The following INTU variants were observed in gnomAD, a reference collection of about 807,000 sequenced individuals.
The protein encoded by INTU is protein inturned.
A neutral mutation model predicts 100.5 loss-of-function variants in INTU; 68 were observed. The ratio of observed to expected loss-of-function variants is 0.68; its 90% CI spans 0.56 to 0.83. INTU has a LOEUF of 0.83. Ranked by LOEUF, INTU falls within the 40% of genes least tolerant of loss-of-function variation. The pLI, the probability that INTU is intolerant of heterozygous loss-of-function variation, is 0.00. For missense variants in INTU, 1,071 were observed against 1,114.7 expected (o/e 0.96, Z 0.56); for synonymous variants, 357 against 395.7 (o/e 0.90, Z 1.16).
chr4:127,690,704 G>C (rs563035660), intron 8 of INTU, among the ~76,000 whole-genome samples: 1 of 151,998 alleles, frequency 6.6e-6, no homozygotes, highest in Non-Finnish European at 1.5e-5. Context: ...TGCAGTTTTA[G>C]GTTCACAGTA....
chr4:127,661,234 A>C (rs1026898407), intron 3 of INTU, among the ~76,000 whole-genome samples: 9 of 152,180 alleles, frequency 5.9e-5, no homozygotes, highest in African/African-American at 1.9e-4. Context: ...CAAGTATAAC[A>C]CTAGTTTTCA....
At chr4:127,671,904 G>C (rs1728947043) in intron 5 of INTU, among the ~76,000 whole-genome samples, 1 of 152,032 alleles carries the variant, frequency 6.6e-6, no homozygotes, top group Non-Finnish European at 1.5e-5. Context: ...AACTCAAACA[G>C]AAAGTCAAAT....
intron 6 of INTU, among the ~76,000 whole-genome samples, chr4:127,682,348 C>G (rs1316646946): frequency 6.6e-6 from 1 of 151,978 alleles, no homozygotes; most frequent in African/African-American, 2.4e-5. Flanking sequence ...AGACTTGGAA[C>G]CAACCCAAAT....
intron 9 of INTU, among the ~76,000 whole-genome samples, chr4:127,702,643 T>A (rs1281525991): frequency 6.6e-6 from 1 of 152,198 alleles, no homozygotes; most frequent in Non-Finnish European, 1.5e-5. Flanking sequence ...TAAAAAAATA[T>A]GAAAATAAGG....
intron 2 of INTU, among the ~76,000 whole-genome samples, chr4:127,655,906 T>A (rs1325987375): frequency 1.3e-5 from 2 of 152,150 alleles, no homozygotes; most frequent in Non-Finnish European, 2.9e-5. Context: ...CCGAGCCAGG[T>A]GCGGGATATA....
At chr4:127,655,922 G>C (rs144058826) in intron 2 of INTU, among the ~76,000 whole-genome samples, 2,835 of 151,234 alleles carry the variant, frequency 0.019, 76 homozygotes, top group African/African-American at 0.064. Context: ...ATATAATCTC[G>C]TGGTGCGCCG....
intron 2 of INTU, among the ~76,000 whole-genome samples, chr4:127,649,443 A>T (rs1327202678): frequency 6.6e-6 from 1 of 152,112 alleles, no homozygotes. Flanking sequence ...TTATCTACCA[A>T]CACGATTCTA....
rs192506346 is a variant in INTU at position 127,711,701 on chromosome 4, G to A, written c.2559+599G>A. Among the ~76,000 whole-genome samples, 160 of 152,296 alleles carry A rather than the reference G, an allele frequency of 1.1e-3. 1 individual carries two copies. Among genetic ancestry groups the A allele is most frequent in the African/African-American group, 3.5e-3 (145 of 41,562 alleles). Reference sequence around the variant, plus strand: ...ACTGTGCATGTGAGGGATCTAGGCTGTGCACTTCTTATGAGAATCTAATGC... The same window carrying A: ...ACTGTGCATGTGAGGGATCTAGGCTATGCACTTCTTATGAGAATCTAATGC... On this transcript the variant is annotated intron_variant, in intron 14 of 15. Coordinates refer to ENST00000335251, the MANE Select transcript of INTU (RefSeq NM_015693.4).
intron 2 of INTU, 123 bp from the exon 3 acceptor site, chr4:127,656,513 G>C (rs1728233039): frequency 1.5e-6 from 1 of 645,320 alleles, no homozygotes; most frequent in Non-Finnish European, 2.8e-6. Context: ...GTTCCTGCTT[G>C]TCTGCACCAG....
intron 3 of INTU, among the ~76,000 whole-genome samples, chr4:127,659,037 C>A (rs900224328): frequency 2.6e-5 from 4 of 152,070 alleles, no homozygotes; most frequent in African/African-American, 9.7e-5. Context: ...CAGTTCACAA[C>A]AGGTTTTGTG....
chr4:127,681,819 C>T (rs1168523901), intron 6 of INTU, among the ~76,000 whole-genome samples: 1 of 152,016 alleles, frequency 6.6e-6, no homozygotes, highest in Admixed American at 6.6e-5. Flanking sequence ...AACAGGCAAC[C>T]TACAAAATGG....
intron 4 of INTU, among the ~76,000 whole-genome samples, chr4:127,666,525 C>G (rs144240518): frequency 7.0e-4 from 106 of 152,260 alleles, no homozygotes; most frequent in African/African-American, 2.4e-3. Context: ...CTACCTTGTT[C>G]CTAGCCCAGT....
At chr4:127,633,645 G>T (rs1192952946) in intron 1 of INTU, among the ~76,000 whole-genome samples, 3 of 152,146 alleles carry the variant, frequency 2.0e-5, no homozygotes, top group Non-Finnish European at 4.4e-5. Context: ...GAAATGAATA[G>T]CTATATAACA....
intron 2 of INTU, among the ~76,000 whole-genome samples, chr4:127,653,059 G>T (rs1373797300): frequency 6.6e-6 from 1 of 151,782 alleles, no homozygotes; most frequent in Non-Finnish European, 1.5e-5. Context: ...TGTGGAATCG[G>T]TGGTGATATC....
At chr4:127,677,289 A>G (rs1408633164) in intron 6 of INTU, among the ~76,000 whole-genome samples, 1 of 152,076 alleles carries the variant, frequency 6.6e-6, no homozygotes, top group East Asian at 1.9e-4. Context: ...GAATGGGCAG[A>G]CTGCCTCCTC....
chr4:127,704,262 C>A lies in INTU; in HGVS notation c.1538C>A (p.Thr513Lys), dbSNP rs1730777307. The A allele has an allele frequency of 2.5e-6, 4 of 1,610,916 alleles. No individual in the cohort carries two copies. The highest frequency in any genetic ancestry group is 3.3e-5 in the Admixed American group (2 of 59,950). ...TACTATGACATGAGGCGGCTGTATA[C>A]AATTTTGGGGTCTTCTCTATTTTAC... The part of the protein sequence containing the change: ...EDYYDMRRLY[T>K]ILGSSLFYKG... Residue 513 changes from threonine to lysine, a missense_variant, in exon 10 of 16, where the codon ACA (threonine) becomes AAA (lysine). Transcript: ENST00000335251.
chr4:127,695,497 C>T (rs1193846513), intron 8 of INTU, among the ~76,000 whole-genome samples: 1 of 152,126 alleles, frequency 6.6e-6, no homozygotes, highest in Non-Finnish European at 1.5e-5. Context: ...GTGTCAGCTA[C>T]TCAGGAGGCT....
chr4:127,671,781 CAAAT>C (rs1316683371), intron 5 of INTU, among the ~76,000 whole-genome samples: 1 of 151,588 alleles, frequency 6.6e-6, no homozygotes, highest in Non-Finnish European at 1.5e-5. Context: ...TAAAAAAGAA[CAAAT>C]AAATAAATGG....
At position 127,726,416 on chromosome 4, in the gene INTU, T is replaced by C. The variant is rs1731416978; in HGVS notation, c.*9980T>C. ...GCACATATTACATGCTATAAAAGTG[T>C]TAGCTACTACTGCTACCATTTATTA... On this transcript the variant is annotated 3_prime_UTR_variant, in exon 16 of 16. Coordinates refer to ENST00000335251, the MANE Select transcript of INTU (RefSeq NM_015693.4). 1 of 152,218 alleles carries C rather than the reference T, an allele frequency of 6.6e-6. No individual in the cohort carries two copies. Among genetic ancestry groups the C allele is most frequent in the South Asian group, 2.1e-4 (1 of 4,832 alleles). 9.4% of individuals were successfully genotyped at this position (152,218 alleles called of 1,614,324 possible). A position where few individuals can be genotyped will look rare whatever the true frequency, so the allele number is the denominator to read the frequency against.
Sources: gnomAD v4.1 joint callset for allele counts (sites outside exome capture counted in the v4.1 genomes callset) on GRCh38, gnomAD v4.1.1 for gene constraint, MANE v1.5 for transcripts, NCBI Gene and HGNC (gene_info 2026-07-23, HGNC 2026-07-21) for gene names.